FZD1: variants seen among roughly 807,000 people sequenced by gnomAD.
The protein encoded by FZD1 is frizzled class receptor 1.
FZD1 carries 22 observed loss-of-function variants against 48.0 expected under a neutral mutation model. The ratio of observed to expected loss-of-function variants is 0.46; its 90% CI spans 0.33 to 0.65. The LOEUF (loss-of-function observed/expected upper bound fraction) is 0.65, where lower values mean the gene tolerates loss of function less well. Among genes scored for constraint, FZD1 ranks in the 30% least tolerant of loss-of-function variants. The pLI, the probability that FZD1 is intolerant of heterozygous loss-of-function variation, is 0.02. For synonymous variants in FZD1, 486 were observed against 409.6 expected (o/e 1.19, Z -2.25); for missense variants, 843 against 898.1 (o/e 0.94, Z 0.78).
At position 91,266,512 on chromosome 7, in the gene FZD1, C is replaced by A. The variant is rs1473605714; in HGVS notation, c.1632C>A (p.Tyr544Ter). 1.2e-6 allele frequency: 2 copies of A among 1,613,930 alleles called. No homozygotes were observed. The highest frequency in any genetic ancestry group is 1.7e-6 in the Non-Finnish European group (2 of 1,180,036). Reference protein sequence around the residue: ...MVRIGVFSVLYTVPATIVIAC... With the variant: ...MVRIGVFSVL The stretch of plus-strand genomic sequence containing the variant: ...GCATTGGCGTCTTCAGCGTGCTGTA[C>A]ACTGTGCCAGCCACCATCGTCATCG... Residue 544 changes from tyrosine (Y) to a stop codon, truncating the protein, a stop_gained, in exon 1 of 1, where the codon TAC (tyrosine) becomes TAA (stop). Transcript: ENST00000287934. LOFTEE classifies it high-confidence loss of function. The surrounding 1 kb of genome is among the most constrained non-coding windows in gnomAD (Gnocchi z 6.8).
At position 91,266,470 on chromosome 7, in the gene FZD1, G is replaced by C; in HGVS notation, c.1590G>C (p.Leu530=). ...MKHDGTKTEK[L]EKLMVRIGVF... ...ACGATGGCACCAAGACCGAGAAGCT[G>C]GAGAAGCTCATGGTGCGCATTGGCG... is the stretch of plus-strand genomic sequence containing the variant. Residue 530 remains leucine (L), a synonymous_variant, in exon 1 of 1, where the codon CTG becomes CTC. Coordinates refer to ENST00000287934, the MANE Select transcript of FZD1 (RefSeq NM_003505.2). This position sits in a 1 kb window ranked among gnomAD's most constrained non-coding sequence, Gnocchi z 6.8. 6.2e-7 allele frequency: 1 copy of C among 1,614,146 alleles called. No homozygotes were observed. Among genetic ancestry groups the C allele is most frequent in the South Asian group, 1.1e-5 (1 of 91,082 alleles).
In FZD1 at chr7:91,266,935, A is replaced by G. The variant is rs1803893832; in HGVS notation, c.*111A>G. On this transcript the variant is annotated 3_prime_UTR_variant, in exon 1 of 1. Transcript: ENST00000287934. The surrounding 1 kb of genome is among the most constrained non-coding windows in gnomAD (Gnocchi z 6.8). Reference sequence around the variant, plus strand: ...ACATCTCGAGGTTTCCTCACTAGACAACTCTCTTTCGCAGGCTCCTTTGAA... The same window carrying G: ...ACATCTCGAGGTTTCCTCACTAGACGACTCTCTTTCGCAGGCTCCTTTGAA... 1.4e-6 allele frequency: 1 copy of G among 726,622 alleles called. No individual in the cohort carries two copies. The highest frequency in any genetic ancestry group is 2.4e-6 in the Non-Finnish European group (1 of 422,678). 45.0% of individuals were successfully genotyped at this position (726,622 alleles called of 1,614,324 possible). A position where few individuals can be genotyped will look rare whatever the true frequency, so the allele number is the denominator to read the frequency against.
Position 91,266,200 on chromosome 7 carries a change from C to T in FZD1, c.1320C>T (p.Ile440=). ...GCATGAAGTGGGGCCACGAGGCCAT[C>T]GAAGCCAACTCACAGTATTTTCACC... is the stretch of plus-strand genomic sequence containing the variant. ...AAGMKWGHEA[I]EANSQYFHLA... The change falls in exon 1 of 1, where the codon ATC becomes ATT. Residue 440 remains isoleucine, a synonymous_variant. Transcript: ENST00000287934. The surrounding 1 kb of genome is among the most constrained non-coding windows in gnomAD (Gnocchi z 6.8). 6.2e-7 allele frequency: 1 copy of T among 1,614,106 alleles called. No homozygotes were observed. Among genetic ancestry groups the T allele is most frequent in the Non-Finnish European group, 8.5e-7 (1 of 1,180,002 alleles).
rs1190880991 is a variant in FZD1, at chr7:91,265,690, G to A, written c.810G>A (p.Glu270=). The A allele has an allele frequency of 5.7e-6, 9 of 1,588,590 alleles. No individual in the cohort carries two copies. In the East Asian group the frequency reaches 1.8e-4, roughly 32 times the overall value. ...GGFPGGAGAS[E]RGKFSCPRAL... is the part of the protein sequence containing the mutation. Reference sequence around the variant, plus strand: ...TCCCGGGGGGCGCCGGCGCGTCGGAGCGAGGCAAGTTCTCCTGCCCGCGCG... The same window carrying A: ...TCCCGGGGGGCGCCGGCGCGTCGGAACGAGGCAAGTTCTCCTGCCCGCGCG... The change falls in exon 1 of 1, where the codon GAG becomes GAA. Residue 270 remains glutamate (E), a synonymous_variant. Transcript: ENST00000287934. This position sits in a 1 kb window ranked among gnomAD's most constrained non-coding sequence, Gnocchi z 6.9.
rs2232159 is a variant in FZD1 at position 91,264,830 on chromosome 7, G to C, written c.-51G>C. 1 of 1,236,866 alleles carries C rather than the reference G, an allele frequency of 8.1e-7. No homozygotes were observed. The highest frequency in any genetic ancestry group is 1.0e-6 in the Non-Finnish European group (1 of 982,974). The allele number at this position is 1,236,866 out of a possible 1,614,324, so 76.6% of individuals were successfully genotyped here. On this transcript the variant is annotated 5_prime_UTR_variant, in exon 1 of 1. Coordinates refer to ENST00000287934, the MANE Select transcript of FZD1 (RefSeq NM_003505.2). Reference sequence around the variant, plus strand: ...GCCGCAGGGGGAGCCGCCGCCGGCCGTGCCCCTGGCAGCCCCAGCGGAGCG... The same window carrying C: ...GCCGCAGGGGGAGCCGCCGCCGGCCCTGCCCCTGGCAGCCCCAGCGGAGCG...
In FZD1 at chr7:91,266,908, T is replaced by A; in HGVS notation, c.*84T>A. On this transcript the variant is annotated 3_prime_UTR_variant, in exon 1 of 1. Transcript: ENST00000287934. The surrounding 1 kb of genome is among the most constrained non-coding windows in gnomAD (Gnocchi z 6.8). ...AGCGCCGTGGAGTTCGTGCCAATCCTGACATCTCGAGGTTTCCTCACTAGA... is the reference window on the plus strand; with the variant it reads ...AGCGCCGTGGAGTTCGTGCCAATCCAGACATCTCGAGGTTTCCTCACTAGA... The A allele has an allele frequency of 1.1e-6, 1 of 880,672 alleles. No homozygotes were observed. The highest frequency in any genetic ancestry group is 1.7e-5 in the African/African-American group (1 of 59,708). The allele number at this position is 880,672 out of a possible 1,614,324, so 54.6% of individuals were successfully genotyped here.
chr7:91,270,827 C>A lies in FZD1; in HGVS notation c.*4003C>A, dbSNP rs1028511558. 1 of 166,972 alleles carries A rather than the reference C, an allele frequency of 6.0e-6. No individual in the cohort carries two copies. The highest frequency in any genetic ancestry group is 1.5e-5 in the Non-Finnish European group (1 of 68,110). The allele number at this position is 166,972 out of a possible 1,614,324, so 10.3% of individuals were successfully genotyped here. Reference sequence around the variant, plus strand: ...TAACTGGGGCCTGAGAGATTAGAAGCAAAATGTAGTCGTACGTATGTCTAG... The same window carrying A: ...TAACTGGGGCCTGAGAGATTAGAAGAAAAATGTAGTCGTACGTATGTCTAG... On this transcript the variant is annotated 3_prime_UTR_variant, in exon 1 of 1. Transcript: ENST00000287934.
chr7:91,266,146 C>G lies in FZD1; in HGVS notation c.1266C>G (p.Ile422Met), dbSNP rs754144425. 1 of 1,614,100 alleles carries G rather than the reference C, an allele frequency of 6.2e-7. No individual in the cohort carries two copies. The highest frequency in any genetic ancestry group is 1.3e-5 in the African/African-American group (1 of 74,952). Residue 422 changes from isoleucine (I) to methionine (M), a missense_variant, in exon 1 of 1, where the codon ATC becomes ATG. Transcript: ENST00000287934. The surrounding 1 kb of genome is among the most constrained non-coding windows in gnomAD (Gnocchi z 6.8). Reference sequence around the variant, plus strand: ...TGGCCAGCTCCATCTGGTGGGTGATCCTGTCGCTCACCTGGTTCCTGGCGG... The same window carrying G: ...TGGCCAGCTCCATCTGGTGGGTGATGCTGTCGCTCACCTGGTTCCTGGCGG... The part of the protein sequence containing the change: ...FSMASSIWWV[I>M]LSLTWFLAAG...
chr7:91,268,220 A>G lies in FZD1; in HGVS notation c.*1396A>G, dbSNP rs540443560. On this transcript the variant is annotated 3_prime_UTR_variant, in exon 1 of 1. Transcript: ENST00000287934. ...TATTACGATTATTATTCAGCAGCAC[A>G]TTCTGAGGGGGGAACAATTCACACC... The G allele has an allele frequency of 6.0e-6, 1 of 167,090 alleles. No individual in the cohort carries two copies. Among genetic ancestry groups the G allele is most frequent in the African/African-American group, 2.4e-5 (1 of 41,570 alleles). The allele number at this position is 167,090 out of a possible 1,614,324, so 10.4% of individuals were successfully genotyped here. A position where few individuals can be genotyped will look rare whatever the true frequency, so the allele number is the denominator to read the frequency against.
rs1479155422 is a variant in FZD1 at position 91,268,552 on chromosome 7, A to G, written c.*1728A>G. ...ATGCCGGTACTTAGGACCTAAATTTATCTATGTCTGTCATACGCTAAAATG... is the reference window on the plus strand; with the variant it reads ...ATGCCGGTACTTAGGACCTAAATTTGTCTATGTCTGTCATACGCTAAAATG... On this transcript the variant is annotated 3_prime_UTR_variant, in exon 1 of 1. Coordinates refer to ENST00000287934, the MANE Select transcript of FZD1 (RefSeq NM_003505.2). The G allele has an allele frequency of 1.2e-5, 2 of 167,020 alleles. No homozygotes were observed. The highest frequency in any genetic ancestry group is 4.8e-5 in the African/African-American group (2 of 41,426). 10.3% of individuals were successfully genotyped at this position (167,020 alleles called of 1,614,324 possible). A position where few individuals can be genotyped will look rare whatever the true frequency, so the allele number is the denominator to read the frequency against.
chr7:91,265,967 A>G lies in FZD1; in HGVS notation c.1087A>G (p.Thr363Ala), dbSNP rs1251690734. ...RPIIFLSGCY[T>A]AVAVAYIAGF... ...CATCATCTTCTTGTCCGGCTGTTAC[A>G]CGGCCGTGGCCGTGGCCTACATCGC... is the stretch of plus-strand genomic sequence containing the variant. Residue 363 changes from threonine to alanine, a missense_variant, in exon 1 of 1, where the codon ACG becomes GCG. Physicochemically the swap from Thr to Ala is moderately conservative, Grantham distance 58. Transcript: ENST00000287934. The surrounding 1 kb of genome is among the most constrained non-coding windows in gnomAD (Gnocchi z 6.9). 1 of 1,613,952 alleles carries G rather than the reference A, an allele frequency of 6.2e-7. No individual in the cohort carries two copies. Among genetic ancestry groups the G allele is most frequent in the African/African-American group, 1.3e-5 (1 of 74,918 alleles).
rs1695046217 is a variant in FZD1, at chr7:91,269,366, A to G, written c.*2542A>G. ...TATATAGATAAGTATACACATAAGT[A>G]TATATGCATTAATTTTTATAAAATA... On this transcript the variant is annotated 3_prime_UTR_variant, in exon 1 of 1. Transcript: ENST00000287934. 6.0e-6 allele frequency: 1 copy of G among 166,934 alleles called. No individual in the cohort carries two copies. Among genetic ancestry groups the G allele is most frequent in the African/African-American group, 2.4e-5 (1 of 41,466 alleles). 10.3% of individuals were successfully genotyped at this position (166,934 alleles called of 1,614,324 possible).
In FZD1 at chr7:91,269,942, G is replaced by A. The variant is rs1292720383; in HGVS notation, c.*3118G>A. ...AATTTGATGCAGAAAGGTTTTACAT[G>A]CTGTGGTTAAATAGCTTTAGAAGAC... is the stretch of plus-strand genomic sequence containing the variant. On this transcript the variant is annotated 3_prime_UTR_variant, in exon 1 of 1. Transcript: ENST00000287934. The A allele has an allele frequency of 1.2e-5, 2 of 167,162 alleles. No individual in the cohort carries two copies. Among genetic ancestry groups the A allele is most frequent in the Non-Finnish European group, 2.9e-5 (2 of 68,100 alleles). The allele number at this position is 167,162 out of a possible 1,614,324, so 10.4% of individuals were successfully genotyped here.
rs1803841860 is a variant in FZD1 at position 91,264,875 on chromosome 7, G to C, written c.-6G>C. ...GGAGCGGCGCCAAGAGAGGAGCCGAGAAAGTATGGCTGAGGAGGAGGCGCC... is the reference window on the plus strand; with the variant it reads ...GGAGCGGCGCCAAGAGAGGAGCCGACAAAGTATGGCTGAGGAGGAGGCGCC... On this transcript the variant is annotated 5_prime_UTR_variant, in exon 1 of 1. Transcript: ENST00000287934. 1.5e-6 allele frequency: 2 copies of C among 1,291,110 alleles called. No homozygotes were observed. Among genetic ancestry groups the C allele is most frequent in the South Asian group, 2.5e-5 (1 of 40,336 alleles). 80.0% of individuals were successfully genotyped at this position (1,291,110 alleles called of 1,614,324 possible). A position where few individuals can be genotyped will look rare whatever the true frequency, so the allele number is the denominator to read the frequency against.
In FZD1 at chr7:91,266,965, T is replaced by C; in HGVS notation, c.*141T>C. The C allele has an allele frequency of 1.6e-6, 1 of 617,118 alleles. No individual in the cohort carries two copies. The highest frequency in any genetic ancestry group is 2.2e-5 in the South Asian group (1 of 46,192). 38.2% of individuals were successfully genotyped at this position (617,118 alleles called of 1,614,324 possible). On this transcript the variant is annotated 3_prime_UTR_variant, in exon 1 of 1. Coordinates refer to ENST00000287934, the MANE Select transcript of FZD1 (RefSeq NM_003505.2). The surrounding 1 kb of genome is among the most constrained non-coding windows in gnomAD (Gnocchi z 6.8). ...TCTTTCGCAGGCTCCTTTGAACAAC[T>C]CAGCTCCTGCAAAAGCTTCCGTCCC...
Position 91,265,684 on chromosome 7 carries a change from G to T in FZD1, c.804G>T (p.Ala268=). The T allele has an allele frequency of 6.3e-7, 1 of 1,578,758 alleles. No individual in the cohort carries two copies. Among genetic ancestry groups the T allele is most frequent in the African/African-American group, 1.4e-5 (1 of 74,024 alleles). Residue 268 remains alanine (A), a synonymous_variant, in exon 1 of 1, where the codon GCG becomes GCT. Coordinates refer to ENST00000287934, the MANE Select transcript of FZD1 (RefSeq NM_003505.2). The surrounding 1 kb of genome is among the most constrained non-coding windows in gnomAD (Gnocchi z 6.9). ...HRGGFPGGAG[A]SERGKFSCPR... is the part of the protein sequence containing the mutation. ...GCGGCTTCCCGGGGGGCGCCGGCGC[G>T]TCGGAGCGAGGCAAGTTCTCCTGCC...
rs1283233446 is a variant in FZD1 at position 91,270,687 on chromosome 7, T to C, written c.*3863T>C. 1 of 165,908 alleles carries C rather than the reference T, an allele frequency of 6.0e-6. No homozygotes were observed. The allele number at this position is 165,908 out of a possible 1,614,324, so 10.3% of individuals were successfully genotyped here. On this transcript the variant is annotated 3_prime_UTR_variant, in exon 1 of 1. Coordinates refer to ENST00000287934, the MANE Select transcript of FZD1 (RefSeq NM_003505.2). ...CATATTTACTGTGTGTGCTTTTGCT[T>C]TCTAATCCATCTATTGACTATTGGC...
In FZD1 at chr7:91,266,888, C is replaced by T; in HGVS notation, c.*64C>T. 1 of 1,055,384 alleles carries T rather than the reference C, an allele frequency of 9.5e-7. No individual in the cohort carries two copies. Among genetic ancestry groups the T allele is most frequent in the Non-Finnish European group, 1.4e-6 (1 of 712,906 alleles). 65.4% of individuals were successfully genotyped at this position (1,055,384 alleles called of 1,614,324 possible). A position where few individuals can be genotyped will look rare whatever the true frequency, so the allele number is the denominator to read the frequency against. On this transcript the variant is annotated 3_prime_UTR_variant, in exon 1 of 1. Transcript: ENST00000287934. The surrounding 1 kb of genome is among the most constrained non-coding windows in gnomAD (Gnocchi z 6.8). ...CGCAGCGATCCCCCAAAGCCAGCGCCGTGGAGTTCGTGCCAATCCTGACAT... is the reference window on the plus strand; with the variant it reads ...CGCAGCGATCCCCCAAAGCCAGCGCTGTGGAGTTCGTGCCAATCCTGACAT...
At position 91,265,333 on chromosome 7, in the gene FZD1, C is replaced by T; in HGVS notation, c.453C>T (p.His151=). The T allele has an allele frequency of 1.2e-6, 2 of 1,614,130 alleles. No individual in the cohort carries two copies. Among genetic ancestry groups the T allele is most frequent in the Non-Finnish European group, 1.7e-6 (2 of 1,179,976 alleles). Residue 151 remains histidine, a synonymous_variant, in exon 1 of 1, where the codon CAC becomes CAT. Coordinates refer to ENST00000287934, the MANE Select transcript of FZD1 (RefSeq NM_003505.2). This position sits in a 1 kb window ranked among gnomAD's most constrained non-coding sequence, Gnocchi z 6.9. Reference sequence around the variant, plus strand: ...AGGAGGACGCGGGCCTGGAGGTGCACCAGTTCTACCCTCTAGTGAAAGTGC... The same window carrying T: ...AGGAGGACGCGGGCCTGGAGGTGCATCAGTTCTACCCTCTAGTGAAAGTGC... ...TNQEDAGLEV[H]QFYPLVKVQC...
Sources: allele counts gnomAD v4.1 joint callset, GRCh38; gene constraint gnomAD v4.1.1; non-coding constraint Gnocchi (gnomAD v3.1); transcripts MANE v1.5; gene names NCBI Gene and HGNC (gene_info 2026-07-23, HGNC 2026-07-21).